Variants in PTPRD observed in about 807,000 individuals in gnomAD.
PTPRD encodes protein tyrosine phosphatase receptor type D, also known as receptor-type tyrosine-protein phosphatase delta.
In PTPRD, 34 loss-of-function variants were observed where a neutral mutation model predicts 214.5. That is an observed-to-expected ratio of 0.16 (90% confidence interval 0.12 to 0.21). The LOEUF is 0.21. Ranked by LOEUF, PTPRD falls within the 10% of genes least tolerant of loss-of-function variation. The probability of loss-of-function intolerance (pLI) is 1.00; values close to 1 mark genes in which losing one functional copy is unlikely to be tolerated. For missense variants in PTPRD, 2,545 were observed against 2,398.7 expected (o/e 1.06, Z -1.27); for synonymous variants, 1,128 against 845.7 (o/e 1.33, Z -5.79).
At chr9:9,425,400 T>G (rs1319599570) in intron 8 of PTPRD, among the ~76,000 whole-genome samples, 1 of 70,868 alleles carries the variant, frequency 1.4e-5, no homozygotes, top group Non-Finnish European at 3.0e-5. Context: ...TTATATAATT[T>G]ATAATATAAA....
chr9:10,596,221 A>G (rs1023540226), intron 2 of PTPRD, among the ~76,000 whole-genome samples: 1 of 151,794 alleles, frequency 6.6e-6, no homozygotes, highest in Non-Finnish European at 1.5e-5. Flanking sequence ...AACGGAAATC[A>G]GAGTTTGACT....
intron 8 of PTPRD, among the ~76,000 whole-genome samples, chr9:9,508,414 T>A (rs1346543385): frequency 2.6e-5 from 4 of 151,622 alleles, no homozygotes; most frequent in African/African-American, 9.7e-5. Context: ...ATTTTTTCCA[T>A]AATGAAAGTA....
chr9:8,639,845 T>C (rs1176887080), intron 12 of PTPRD, among the ~76,000 whole-genome samples: 2 of 152,230 alleles, frequency 1.3e-5, no homozygotes, highest in Non-Finnish European at 2.9e-5. Context: ...AAAATTCCCA[T>C]ACACTTGGAG....
chr9:8,757,279 G>A lies in PTPRD; in HGVS notation c.-103-23333C>T, dbSNP rs1038422478. Among the ~76,000 whole-genome samples, 4 of 152,116 alleles carry A rather than the reference G, an allele frequency of 2.6e-5. No individual in the cohort carries two copies. In the South Asian group the frequency reaches 6.2e-4, roughly 24 times the overall value. Reference sequence around the variant, plus strand: ...AAATTTGCTTATCTGAAAATATAGGGAATGTGAACAATTAGAAAAGCACGA... The same window carrying A: ...AAATTTGCTTATCTGAAAATATAGGAAATGTGAACAATTAGAAAAGCACGA... On this transcript the variant is annotated intron_variant, in intron 11 of 45. Transcript: ENST00000381196.
intron 2 of PTPRD, among the ~76,000 whole-genome samples, chr9:10,420,330 T>C (rs2098534465): frequency 2.0e-5 from 3 of 151,904 alleles, no homozygotes; most frequent in African/African-American, 7.2e-5. Flanking sequence ...TTACTAGTCT[T>C]TAGGATTTCT....
chr9:8,812,007 C>T (rs1333046166), intron 11 of PTPRD, among the ~76,000 whole-genome samples: 1 of 152,116 alleles, frequency 6.6e-6, no homozygotes, highest in Non-Finnish European at 1.5e-5. Context: ...GTGAAACATT[C>T]CATAAAGATC....
intron 11 of PTPRD, among the ~76,000 whole-genome samples, chr9:8,892,664 T>C (rs2098551279): frequency 7.8e-6 from 1 of 128,084 alleles, no homozygotes; most frequent in Non-Finnish European, 1.6e-5. Context: ...TATGAGTGTA[T>C]ATATATGTGT....
intron 3 of PTPRD, among the ~76,000 whole-genome samples, chr9:10,289,393 T>C (rs1046548531): frequency 6.6e-6 from 1 of 152,176 alleles, no homozygotes; most frequent in African/African-American, 2.4e-5. Context: ...GTTGGAGATG[T>C]GCAGGGGAGC....
At chr9:10,074,131 T>C (rs2098087822) in intron 3 of PTPRD, among the ~76,000 whole-genome samples, 1 of 152,146 alleles carries the variant, frequency 6.6e-6, no homozygotes, top group Non-Finnish European at 1.5e-5. Context: ...GTTATTCAAA[T>C]GGCCTACTCA....
At chr9:10,186,185 A>G (rs2099329422) in intron 3 of PTPRD, among the ~76,000 whole-genome samples, 1 of 152,190 alleles carries the variant, frequency 6.6e-6, no homozygotes, top group East Asian at 1.9e-4. Flanking sequence ...TTTGATTGGA[A>G]CTTGGAAAAG....
chr9:8,625,284 C>G (rs1406671493), intron 14 of PTPRD, among the ~76,000 whole-genome samples: 1 of 151,758 alleles, frequency 6.6e-6, no homozygotes, highest in South Asian at 2.1e-4. Flanking sequence ...TAGTTAATAA[C>G]TAGCTTTATT....
chr9:9,781,842 G>A (rs1218104546), intron 5 of PTPRD, among the ~76,000 whole-genome samples: 1 of 150,426 alleles, frequency 6.6e-6, no homozygotes, highest in Non-Finnish European at 1.5e-5. Context: ...GCCCAGGCTG[G>A]AGTGCAGTGG....
At chr9:10,154,483 A>C (rs2099081460) in intron 3 of PTPRD, among the ~76,000 whole-genome samples, 1 of 152,078 alleles carries the variant, frequency 6.6e-6, no homozygotes, top group Non-Finnish European at 1.5e-5. Flanking sequence ...CTCATTTGTC[A>C]ATTTTTGCAT....
intron 9 of PTPRD, among the ~76,000 whole-genome samples, chr9:9,352,521 C>T (rs996109925): frequency 3.3e-5 from 5 of 151,776 alleles, no homozygotes; most frequent in African/African-American, 1.2e-4. Context: ...CATTCTTTGG[C>T]TTCTGGAGTT....
intron 14 of PTPRD, among the ~76,000 whole-genome samples, chr9:8,559,775 G>T (rs970088867): frequency 1.3e-5 from 2 of 152,182 alleles, no homozygotes; most frequent in Non-Finnish European, 2.9e-5. Context: ...AGCTCTCACA[G>T]CTTTAATTTA....
intron 11 of PTPRD, among the ~76,000 whole-genome samples, chr9:8,774,819 C>A (rs983308659): frequency 6.6e-6 from 1 of 152,138 alleles, no homozygotes; most frequent in Admixed American, 6.5e-5. Flanking sequence ...CAGGCATGAG[C>A]CACTGCGCCC....
At chr9:9,948,614 C>G (rs1272356471) in intron 4 of PTPRD, among the ~76,000 whole-genome samples, 1 of 151,982 alleles carries the variant, frequency 6.6e-6, no homozygotes, top group Admixed American at 6.6e-5. Flanking sequence ...TCTGCAAAAC[C>G]TTTTTTCCCC....
chr9:8,320,007 C>T, intron 44 of PTPRD, 41 bp from the exon 45 acceptor site: 1 of 1,602,994 alleles, frequency 6.2e-7, no homozygotes, highest in Non-Finnish European at 8.5e-7. Flanking sequence ...GTGAGATGTT[C>T]ACAGTCTTGG....
chr9:10,071,350 A>T (rs2098011000), intron 3 of PTPRD, among the ~76,000 whole-genome samples: 1 of 152,056 alleles, frequency 6.6e-6, no homozygotes. Context: ...AAGTTATATG[A>T]CTCACTCTAC....
Sources: gnomAD v4.1 joint callset for allele counts (sites outside exome capture counted in the v4.1 genomes callset) on GRCh38, gnomAD v4.1.1 for gene constraint, MANE v1.5 for transcripts, NCBI Gene and HGNC (gene_info 2026-07-23, HGNC 2026-07-21) for gene names.